P3H2: variants seen among roughly 807,000 people sequenced by gnomAD.
The protein encoded by P3H2 is prolyl 3-hydroxylase 2, also known as leprecan-like 1.
P3H2 carries 80 observed loss-of-function variants against 87.0 expected under a neutral mutation model. The observed-to-expected ratio is 0.92, with a 90% CI of 0.77 to 1.11. The LOEUF is 1.11. Among genes scored for constraint, P3H2 ranks in the 50% least tolerant of loss-of-function variants. The pLI is 0.00. For missense variants in P3H2, 1,001 were observed against 923.9 expected (o/e 1.08, Z -1.08); for synonymous variants, 367 against 359.3 (o/e 1.02, Z -0.24).
intron 1 of P3H2, among the ~76,000 whole-genome samples, chr3:190,040,969 A>G (rs1368896973): frequency 7.0e-6 from 1 of 142,568 alleles, no homozygotes; most frequent in Non-Finnish European, 1.5e-5. Flanking sequence ...AGATCACTTG[A>G]ACTCAGGAGT....
intron 1 of P3H2, among the ~76,000 whole-genome samples, chr3:190,058,278 CT>C (rs1369231872): frequency 6.6e-6 from 1 of 152,156 alleles, no homozygotes; most frequent in African/African-American, 2.4e-5. Flanking sequence ...AAGCTACCCT[CT>C]CTCGTGTAAG....
intron 1 of P3H2, among the ~76,000 whole-genome samples, chr3:190,029,490 G>A (rs1725185799): frequency 6.6e-6 from 1 of 151,856 alleles, no homozygotes. Flanking sequence ...AAGGAAATTG[G>A]TGACTTTCTT....
chr3:190,043,363 T>G (rs189864070), intron 1 of P3H2, among the ~76,000 whole-genome samples: 8 of 152,294 alleles, frequency 5.3e-5, no homozygotes, highest in Admixed American at 3.9e-4. Flanking sequence ...TGAATGGAGA[T>G]GATGAGGCTG....
At chr3:190,038,919 G>A (rs1725510177) in intron 1 of P3H2, among the ~76,000 whole-genome samples, 1 of 152,212 alleles carries the variant, frequency 6.6e-6, no homozygotes, top group African/African-American at 2.4e-5. Flanking sequence ...GCCAGGTGCG[G>A]TGGTTCACGC....
At chr3:189,975,700 T>C (rs763808664) in intron 8 of P3H2, among the ~76,000 whole-genome samples, 1 of 152,154 alleles carries the variant, frequency 6.6e-6, no homozygotes, top group African/African-American at 2.4e-5. Flanking sequence ...GAAGAGACAA[T>C]TGAAATTGAT....
intron 1 of P3H2, among the ~76,000 whole-genome samples, chr3:190,084,558 TTAA>T (rs1196790597): frequency 6.6e-6 from 1 of 152,212 alleles, no homozygotes. Context: ...TAATAATAAA[TTAA>T]TAATCACAGG....
chr3:190,039,457 C>G (rs1370682540), intron 1 of P3H2, among the ~76,000 whole-genome samples: 1 of 152,190 alleles, frequency 6.6e-6, no homozygotes, highest in Non-Finnish European at 1.5e-5. Flanking sequence ...GTTATCTTCA[C>G]AGATGAGAAA....
At chr3:190,080,908 T>C (rs1204256453) in intron 1 of P3H2, among the ~76,000 whole-genome samples, 5 of 152,212 alleles carry the variant, frequency 3.3e-5, no homozygotes. Context: ...AAAAGAAATA[T>C]GCTGCTCTTT....
Position 190,039,094 on chromosome 3 carries a change from CAGG to C in P3H2, c.481-43655_481-43653del, listed in dbSNP as rs762882258. On this transcript the variant is annotated intron_variant, in intron 1 of 14. Transcript: ENST00000319332. Reference sequence around the variant, plus strand: ...ATCCCAGCTACTTGGGAGGTTGAGGCAGGAGAATTGCTTGAACCCAGGAGGCAG... The same window carrying C: ...ATCCCAGCTACTTGGGAGGTTGAGGCAGAATTGCTTGAACCCAGGAGGCAG... 3.3e-5 allele frequency among the ~76,000 whole-genome samples: 5 copies of C among 151,550 alleles called. No individual in the cohort carries two copies. The East Asian group carries it at 9.7e-4, about 29-fold the overall frequency.
At chr3:189,965,778 G>A in intron 13 of P3H2, among the ~76,000 whole-genome samples, 1 of 152,036 alleles carries the variant, frequency 6.6e-6, no homozygotes, top group South Asian at 2.1e-4. Context: ...CTGAGGTCAG[G>A]AGTTTGAGAC....
intron 14 of P3H2, chr3:189,963,646 G>C (rs138581600): frequency 8.2e-4 from 261 of 317,590 alleles, no homozygotes; most frequent in African/African-American, 5.2e-3. Flanking sequence ...GTTTCAGCAT[G>C]TTGATCAGGC....
intron 1 of P3H2, among the ~76,000 whole-genome samples, chr3:190,003,856 G>C (rs1269936804): frequency 6.6e-6 from 1 of 152,184 alleles, no homozygotes; most frequent in East Asian, 1.9e-4. Context: ...TTACCGAAAA[G>C]CAGTGTGGGC....
intron 13 of P3H2, 140 bp downstream of exon 13, chr3:189,970,676 T>C: frequency 1.5e-6 from 1 of 650,316 alleles, no homozygotes; most frequent in South Asian, 1.9e-5. Context: ...TTATGATCTA[T>C]ACATTTACTG....
At chr3:190,101,838 G>A (rs576620644) in intron 1 of P3H2, among the ~76,000 whole-genome samples, 1 of 152,282 alleles carries the variant, frequency 6.6e-6, no homozygotes, top group Non-Finnish European at 1.5e-5. Flanking sequence ...TAGAGAAAAT[G>A]TTAATGCCGG....
rs770628547 is a variant in P3H2 at position 189,962,161 on chromosome 3, C to CTTTTTTTTTT, written c.2034+1787_2034+1796dup. On this transcript the variant is annotated intron_variant, in intron 14 of 14. Transcript: ENST00000319332. Reference sequence around the variant, plus strand: ...GCCTTTCTTTCTTTTTCTTCTTCTTCTTTTTTTTTTTTTTTTTTTTTTTTA... The same window carrying CTTTTTTTTTT: ...GCCTTTCTTTCTTTTTCTTCTTCTTCTTTTTTTTTTTTTTTTTTTTTTTTTTTTTTTTTTA... Among the ~76,000 whole-genome samples the CTTTTTTTTTT allele has an allele frequency of 1.5e-3, 131 of 87,604 alleles. 8 individuals carry two copies. The highest frequency in any genetic ancestry group is 2.8e-3 in the African/African-American group (60 of 21,174). 57.5% of individuals were successfully genotyped at this position (87,604 alleles called of 152,430 possible).
chr3:190,024,530 C>CAAAAAAAAAA (rs71635314), intron 1 of P3H2, among the ~76,000 whole-genome samples: 10 of 52,922 alleles, frequency 1.9e-4, no homozygotes, highest in East Asian at 6.2e-4. Flanking sequence ...GGTTCCCTCT[C>CAAAAAAAAAA]AAAAAAAAAA....
intron 1 of P3H2, among the ~76,000 whole-genome samples, chr3:190,041,323 T>C (rs1394906837): frequency 6.7e-6 from 1 of 148,958 alleles, no homozygotes; most frequent in African/African-American, 2.5e-5. Context: ...TTTACATAAG[T>C]TCTTCATTTT....
Position 190,120,458 on chromosome 3 carries a change from GGCGCGCC to G in P3H2, c.267_273del (p.Ala90ThrfsTer112), listed in dbSNP as rs1165948626. 2 of 1,424,708 alleles carry G rather than the reference GGCGCGCC, an allele frequency of 1.4e-6. No individual in the cohort carries two copies. The highest frequency in any genetic ancestry group is 1.8e-6 in the Non-Finnish European group (2 of 1,100,604). 88.3% of individuals were successfully genotyped at this position (1,424,708 alleles called of 1,614,324 possible). On this transcript the variant is annotated frameshift_variant, in exon 1 of 15. Transcript: ENST00000319332. LOFTEE classifies it high-confidence loss of function. ...CCGGGGGGCGGGGGCGGGAGCGGGT[GGCGCGCC>G]GCGCAGTGGCGGGCACAGCGCGTGC...
At chr3:190,044,760 TC>T (rs1196435191) in intron 1 of P3H2, among the ~76,000 whole-genome samples, 1 of 152,212 alleles carries the variant, frequency 6.6e-6, no homozygotes, top group Non-Finnish European at 1.5e-5. Context: ...CTCTATTTAT[TC>T]CACGAGTATG....
Sources: gnomAD v4.1 joint callset for allele counts (sites outside exome capture counted in the v4.1 genomes callset) on GRCh38, gnomAD v4.1.1 for gene constraint, MANE v1.5 for transcripts, NCBI Gene and HGNC (gene_info 2026-07-23, HGNC 2026-07-21) for gene names.